The following UIMC1 variants were observed in gnomAD, a reference collection of about 807,000 sequenced individuals.
The protein encoded by UIMC1 is BRCA1-A complex subunit RAP80.
In UIMC1, 42 loss-of-function variants were observed where a neutral mutation model predicts 84.9. The ratio of observed to expected loss-of-function variants is 0.49; its 90% CI spans 0.39 to 0.64. UIMC1 has a LOEUF of 0.64. UIMC1 is among the 30% of genes least tolerant of loss of function. The pLI is 0.00. For synonymous variants in UIMC1, 281 were observed against 293.0 expected (o/e 0.96, Z 0.42); for missense variants, 825 against 847.6 (o/e 0.97, Z 0.33).
At chr5:176,938,386 T>C (rs1213620896) in intron 10 of UIMC1, among the ~76,000 whole-genome samples, 1 of 152,030 alleles carries the variant, frequency 6.6e-6, no homozygotes, top group Non-Finnish European at 1.5e-5. Flanking sequence ...GGCAAGCTGG[T>C]GGGGAAACCA....
chr5:176,982,960 T>C (rs542870971), intron 1 of UIMC1, among the ~76,000 whole-genome samples: 42 of 152,130 alleles, frequency 2.8e-4, no homozygotes, highest in South Asian at 1.7e-3. Context: ...CAGCCTCCCA[T>C]AGTGCTGAGA....
intron 7 of UIMC1, among the ~76,000 whole-genome samples, chr5:176,957,041 C>G (rs1766697969): frequency 6.6e-6 from 1 of 152,180 alleles, no homozygotes; most frequent in Non-Finnish European, 1.5e-5. Flanking sequence ...TTCCAACTCT[C>G]TCCTGGTGAC....
chr5:176,999,940 C>T (rs566704268), intron 1 of UIMC1, among the ~76,000 whole-genome samples: 45 of 152,204 alleles, frequency 3.0e-4, no homozygotes, highest in African/African-American at 9.4e-4. Context: ...CTGGATCATA[C>T]GATAGCTCTA....
chr5:176,993,350 T>G (rs374343212), intron 1 of UIMC1, among the ~76,000 whole-genome samples: 1 of 152,028 alleles, frequency 6.6e-6, no homozygotes, highest in East Asian at 1.9e-4. Context: ...CACACCCAGC[T>G]AATTTACTTT....
chr5:177,014,321 T>C (rs1312838536), intron 1 of UIMC1, among the ~76,000 whole-genome samples: 1 of 151,960 alleles, frequency 6.6e-6, no homozygotes, highest in Non-Finnish European at 1.5e-5. Context: ...CCCAAAGTGC[T>C]AGGATTATAG....
intron 10 of UIMC1, among the ~76,000 whole-genome samples, chr5:176,934,972 C>T (rs73804283): frequency 0.098 from 14,928 of 152,196 alleles, 1,528 homozygotes; most frequent in African/African-American, 0.26. Context: ...CCAGACTTGC[C>T]AATTATTACA....
intron 1 of UIMC1, chr5:177,001,427 G>A (rs1258614375): frequency 1.3e-5 from 2 of 152,152 alleles, no homozygotes; most frequent in Admixed American, 6.6e-5. Flanking sequence ...CATGCCCACA[G>A]GTTGGAAGCT....
chr5:177,001,591 T>G (rs1774457689), intron 1 of UIMC1: 1 of 152,068 alleles, frequency 6.6e-6, no homozygotes, highest in African/African-American at 2.4e-5. Flanking sequence ...AAGCTTATTC[T>G]AAATGTATAT....
intron 1 of UIMC1, among the ~76,000 whole-genome samples, chr5:177,017,457 G>A (rs1178734426): frequency 6.6e-6 from 1 of 151,942 alleles, no homozygotes; most frequent in Non-Finnish European, 1.5e-5. Context: ...GCGCAATCTC[G>A]GTTCACTGCA....
At chr5:176,944,339 T>C (rs78877257) in intron 9 of UIMC1, among the ~76,000 whole-genome samples, 5,015 of 152,326 alleles carry the variant, frequency 0.033, 298 homozygotes, top group African/African-American at 0.11. Flanking sequence ...CTCTGTTTTG[T>C]AGTCATCATT....
At position 176,970,728 on chromosome 5, in the gene UIMC1, C is replaced by T; in HGVS notation, c.357+14G>A. The stretch of plus-strand genomic sequence containing the variant: ...GATCAATCTCCACAAACTTTTGCAA[C>T]ATGGCATATTTACATTCAGGCTTTC... On this transcript the variant is annotated intron_variant, in intron 4 of 14. Coordinates refer to ENST00000511320, the MANE Select transcript of UIMC1 (RefSeq NM_001199298.2). The T allele has an allele frequency of 6.2e-7, 1 of 1,613,986 alleles. No individual in the cohort carries two copies. The highest frequency in any genetic ancestry group is 8.5e-7 in the Non-Finnish European group (1 of 1,179,998).
chr5:176,971,841 G>A (rs374402594), intron 3 of UIMC1, among the ~76,000 whole-genome samples: 2 of 151,994 alleles, frequency 1.3e-5, no homozygotes, highest in Admixed American at 6.5e-5. Flanking sequence ...CCCGGGAGGC[G>A]GAGGTTGCAA....
At chr5:177,013,476 G>A (rs186149599) in intron 1 of UIMC1, among the ~76,000 whole-genome samples, 32 of 151,776 alleles carry the variant, frequency 2.1e-4, no homozygotes, top group Admixed American at 5.3e-4. Context: ...ACCCTAATCC[G>A]GTGGTCAATT....
At position 176,995,843 on chromosome 5, in the gene UIMC1, CAAAAAAA is replaced by C. The variant is rs34672103; in HGVS notation, c.-9+10800_-9+10806del. Among the ~76,000 whole-genome samples, 58 of 79,612 alleles carry C rather than the reference CAAAAAAA, an allele frequency of 7.3e-4. 1 individual carries two copies. Among genetic ancestry groups the C allele is most frequent in the Admixed American group, 1.4e-3 (9 of 6,322 alleles). The allele number at this position is 79,612 out of a possible 152,430, so 52.2% of individuals were successfully genotyped here. A position where few individuals can be genotyped will look rare whatever the true frequency, so the allele number is the denominator to read the frequency against. ...GGGCAACAAGAGTGAAACTCCATCT[CAAAAAAA>C]AAAAAAAAAAAAAAGGAATATAAAG... On this transcript the variant is annotated intron_variant, in intron 1 of 14. Coordinates refer to ENST00000511320, the MANE Select transcript of UIMC1 (RefSeq NM_001199298.2).
chr5:177,004,657 T>G (rs1775012351), intron 1 of UIMC1, among the ~76,000 whole-genome samples: 1 of 152,194 alleles, frequency 6.6e-6, no homozygotes, highest in African/African-American at 2.4e-5. Context: ...TAATGAGACT[T>G]ATTTATTTCA....
At chr5:176,909,631 G>A (rs758003288) in intron 11 of UIMC1, among the ~76,000 whole-genome samples, 14 of 152,272 alleles carry the variant, frequency 9.2e-5, no homozygotes, top group South Asian at 2.1e-4. Flanking sequence ...GGGAGACTTG[G>A]ATTAGCTATA....
intron 9 of UIMC1, among the ~76,000 whole-genome samples, chr5:176,946,512 C>CA (rs1008747655): frequency 7.0e-6 from 1 of 142,742 alleles, no homozygotes; most frequent in Admixed American, 7.0e-5. Context: ...ACTCTGCCTC[C>CA]AAAAAAAAAG....
intron 1 of UIMC1, among the ~76,000 whole-genome samples, chr5:176,999,824 C>T (rs1428134404): frequency 6.6e-6 from 1 of 152,034 alleles, no homozygotes; most frequent in East Asian, 1.9e-4. Flanking sequence ...AGATTGATTC[C>T]ATATCTTGGC....
chr5:177,015,002 G>A (rs531998070), intron 1 of UIMC1, among the ~76,000 whole-genome samples: 3 of 152,248 alleles, frequency 2.0e-5, no homozygotes, highest in Admixed American at 6.5e-5. Context: ...GGAGGCCAAG[G>A]AGAACAGATC....
Sources: allele counts gnomAD v4.1 joint callset (sites outside exome capture counted in the v4.1 genomes callset), GRCh38; gene constraint gnomAD v4.1.1; transcripts MANE v1.5; gene names NCBI Gene and HGNC (gene_info 2026-07-23, HGNC 2026-07-21).